SLC35F3: variants seen among roughly 807,000 people sequenced by gnomAD.
SLC35F3 encodes putative thiamine transporter SLC35F3.
Under a neutral mutation model 49.9 loss-of-function variants are expected in SLC35F3, and 25 were observed. The ratio of observed to expected loss-of-function variants is 0.50; its 90% CI spans 0.37 to 0.70. The LOEUF (loss-of-function observed/expected upper bound fraction) is 0.70. SLC35F3 is among the 30% of genes least tolerant of loss of function. SLC35F3 has a pLI of 0.00. For missense variants in SLC35F3, 525 were observed against 639.8 expected (o/e 0.82, Z 1.94); for synonymous variants, 275 against 265.4 (o/e 1.04, Z -0.35).
At chr1:234,233,474 C>T (rs1281032023) in intron 3 of SLC35F3, among the ~76,000 whole-genome samples, 1 of 152,200 alleles carries the variant, frequency 6.6e-6, no homozygotes, top group Non-Finnish European at 1.5e-5. Flanking sequence ...CAAATGTGCT[C>T]CATGGCTACC....
chr1:234,300,361 T>C (rs754681127), intron 3 of SLC35F3, among the ~76,000 whole-genome samples: 2 of 152,222 alleles, frequency 1.3e-5, no homozygotes, highest in African/African-American at 2.4e-5. Flanking sequence ...ATCCAAGCAA[T>C]TGTATTTTTA....
intron 2 of SLC35F3, among the ~76,000 whole-genome samples, chr1:233,982,524 G>A (rs12021757): frequency 0.034 from 5,132 of 152,034 alleles, 155 homozygotes; most frequent in East Asian, 0.17. Flanking sequence ...ACAGGCATGC[G>A]CCACCATGCT....
chr1:233,916,509 C>A (rs540222669), intron 2 of SLC35F3, among the ~76,000 whole-genome samples: 1 of 152,352 alleles, frequency 6.6e-6, no homozygotes, highest in South Asian at 2.1e-4. Context: ...TGGCCTCAAG[C>A]AGTCCTCTCA....
intron 2 of SLC35F3, among the ~76,000 whole-genome samples, chr1:234,218,033 G>C (rs1490415409): frequency 6.6e-6 from 1 of 152,150 alleles, no homozygotes; most frequent in Non-Finnish European, 1.5e-5. Flanking sequence ...GAGGAGAGTG[G>C]GGCTGGGCCT....
chr1:234,269,846 C>T (rs900235769), intron 3 of SLC35F3, among the ~76,000 whole-genome samples: 5 of 152,270 alleles, frequency 3.3e-5, no homozygotes, highest in African/African-American at 1.2e-4. Context: ...CTTGCTTCCC[C>T]TCTCACCACG....
At chr1:234,127,697 A>G (rs1665669378) in intron 2 of SLC35F3, among the ~76,000 whole-genome samples, 2 of 152,170 alleles carry the variant, frequency 1.3e-5, no homozygotes, top group African/African-American at 4.8e-5. Flanking sequence ...TATTACCATA[A>G]TAAAAGCTGA....
chr1:234,072,140 A>G (rs1664720632), intron 2 of SLC35F3, among the ~76,000 whole-genome samples: 1 of 152,268 alleles, frequency 6.6e-6, no homozygotes, highest in Non-Finnish European at 1.5e-5. Context: ...GCTAACTCCA[A>G]GGATTTCTAG....
chr1:234,121,903 T>C (rs752551641), intron 2 of SLC35F3, among the ~76,000 whole-genome samples: 4 of 152,220 alleles, frequency 2.6e-5, no homozygotes, highest in Non-Finnish European at 5.9e-5. Flanking sequence ...TCATCCTTTT[T>C]TATGGCTGAA....
chr1:234,307,455 C>T (rs1406234713), intron 3 of SLC35F3, among the ~76,000 whole-genome samples: 6 of 152,140 alleles, frequency 3.9e-5, no homozygotes, highest in African/African-American at 1.4e-4. Context: ...ATGGACATCC[C>T]ATAGTTGAGT....
chr1:234,057,825 C>T (rs1288326821), intron 2 of SLC35F3, among the ~76,000 whole-genome samples: 2 of 152,142 alleles, frequency 1.3e-5, no homozygotes, highest in South Asian at 4.1e-4. Context: ...CCTGCCTCAG[C>T]CTTCTGAGTA....
intron 2 of SLC35F3, among the ~76,000 whole-genome samples, chr1:234,022,624 G>A (rs921037992): frequency 6.6e-6 from 1 of 152,152 alleles, no homozygotes; most frequent in Admixed American, 6.6e-5. Flanking sequence ...AAACAACTTG[G>A]TTCTCTAGCC....
At chr1:233,907,144 T>G (rs1322391726) in intron 2 of SLC35F3, among the ~76,000 whole-genome samples, 1 of 152,258 alleles carries the variant, frequency 6.6e-6, no homozygotes, top group African/African-American at 2.4e-5. Flanking sequence ...TAAATTTCTA[T>G]TAGAAAATAG....
At chr1:234,077,709 G>C (rs901026887) in intron 2 of SLC35F3, among the ~76,000 whole-genome samples, 2 of 152,106 alleles carry the variant, frequency 1.3e-5, no homozygotes, top group South Asian at 4.2e-4. Flanking sequence ...GCAGGCGGTG[G>C]GTTCTCATAG....
intron 2 of SLC35F3, among the ~76,000 whole-genome samples, chr1:233,987,766 C>T (rs187124395): frequency 1.2e-4 from 18 of 152,266 alleles, no homozygotes; most frequent in Admixed American, 8.5e-4. Flanking sequence ...TGTTGGACTT[C>T]CTAGACTAAT....
chr1:234,286,692 G>A (rs544632052), intron 3 of SLC35F3, among the ~76,000 whole-genome samples: 17 of 152,196 alleles, frequency 1.1e-4, no homozygotes, highest in Non-Finnish European at 2.2e-4. Context: ...ACATTTGATT[G>A]TCTCTCTAAA....
At chr1:234,247,981 C>T (rs1165177655) in intron 3 of SLC35F3, among the ~76,000 whole-genome samples, 2 of 149,918 alleles carry the variant, frequency 1.3e-5, no homozygotes, top group Non-Finnish European at 1.5e-5. Context: ...GTCCATTGTT[C>T]AGTAGGTTGG....
chr1:233,961,213 C>T (rs950189582), intron 2 of SLC35F3, among the ~76,000 whole-genome samples: 7 of 152,096 alleles, frequency 4.6e-5, no homozygotes, highest in African/African-American at 1.4e-4. Flanking sequence ...GCTGAATGCT[C>T]GAACAGGTGG....
chr1:233,963,286 T>TTTTC (rs991314447), intron 2 of SLC35F3, among the ~76,000 whole-genome samples: 1 of 151,830 alleles, frequency 6.6e-6, no homozygotes, highest in Non-Finnish European at 1.5e-5. Context: ...TAGCTTTCTT[T>TTTTC]TTTCTTTCTT....
chr1:234,301,529 A>T (rs1040314391), intron 3 of SLC35F3, among the ~76,000 whole-genome samples: 1 of 152,254 alleles, frequency 6.6e-6, no homozygotes, highest in African/African-American at 2.4e-5. Context: ...ATTATTAAAA[A>T]GTCAGGAAAC....
Sources: allele counts gnomAD v4.1 joint callset (sites outside exome capture counted in the v4.1 genomes callset), GRCh38; gene constraint gnomAD v4.1.1; transcripts MANE v1.5; gene names NCBI Gene and HGNC (gene_info 2026-07-23, HGNC 2026-07-21).